Variants in RASA1 observed in about 807,000 individuals in gnomAD.
The protein encoded by RASA1 is ras GTPase-activating protein 1.
Under a neutral mutation model 132.2 loss-of-function variants are expected in RASA1, and 25 were observed. The ratio of observed to expected loss-of-function variants is 0.19; its 90% CI spans 0.14 to 0.26. The LOEUF is 0.26. Ranked by LOEUF, RASA1 falls within the 10% of genes least tolerant of loss-of-function variation. The pLI, the probability that RASA1 is intolerant of heterozygous loss-of-function variation, is 1.00. For synonymous variants in RASA1, 477 were observed against 449.9 expected (o/e 1.06, Z -0.76); for missense variants, 964 against 1,299.2 (o/e 0.74, Z 3.97).
intron 1 of RASA1, among the ~76,000 whole-genome samples, chr5:87,308,349 A>T (rs1755718996): frequency 6.6e-6 from 1 of 151,986 alleles, no homozygotes; most frequent in African/African-American, 2.4e-5. Flanking sequence ...TTTGTTTTGA[A>T]ATGTTGGTTC....
Position 87,374,157 on chromosome 5 carries a change from T to G in RASA1, c.1777-6T>G, listed in dbSNP as rs1761151365. 7.0e-7 allele frequency: 1 copy of G among 1,438,834 alleles called. No individual in the cohort carries two copies. The highest frequency in any genetic ancestry group is 9.2e-7 in the Non-Finnish European group (1 of 1,092,242). The allele number at this position is 1,438,834 out of a possible 1,614,324, so 89.1% of individuals were successfully genotyped here. ...AATATATATATATATATTTTTTTTT[T>G]TTTAGGTCAGCAGCCTTGTTTTACA... On this transcript the variant is annotated splice_region_variant and splice_polypyrimidine_tract_variant and intron_variant, in intron 13 of 24. Coordinates refer to ENST00000274376, the MANE Select transcript of RASA1 (RefSeq NM_002890.3).
chr5:87,342,325 G>T (rs1758533979), intron 6 of RASA1, among the ~76,000 whole-genome samples: 1 of 151,754 alleles, frequency 6.6e-6, no homozygotes, highest in Non-Finnish European at 1.5e-5. Flanking sequence ...TGCTAGGCTG[G>T]TTATTGTACC....
In RASA1 at chr5:87,268,172, T is replaced by C. The variant is rs1753647369; in HGVS notation, c.-280T>C. 3.9e-6 allele frequency: 2 copies of C among 509,202 alleles called. No individual in the cohort carries two copies. Among genetic ancestry groups the C allele is most frequent in the Non-Finnish European group, 6.9e-6 (2 of 290,520 alleles). The allele number at this position is 509,202 out of a possible 1,614,324, so 31.5% of individuals were successfully genotyped here. The stretch of plus-strand genomic sequence containing the variant: ...AAGTTTTCGCTTCTGTACATGTGTT[T>C]GTGTGCGTGAGTGTGGGTGTGTGCG... On this transcript the variant is annotated 5_prime_UTR_variant, in exon 1 of 25. Transcript: ENST00000274376.
chr5:87,282,866 T>C (rs1754376091), intron 1 of RASA1, among the ~76,000 whole-genome samples: 1 of 152,160 alleles, frequency 6.6e-6, no homozygotes, highest in South Asian at 2.1e-4. Flanking sequence ...TTGACAAAAA[T>C]TGTGTATGTG....
intron 1 of RASA1, among the ~76,000 whole-genome samples, chr5:87,325,397 G>C (rs1757159335): frequency 6.6e-6 from 1 of 152,306 alleles, no homozygotes; most frequent in South Asian, 2.1e-4. Context: ...AATAAATATG[G>C]GAGCTTAAGA....
chr5:87,323,056 A>C (rs1022548656), intron 1 of RASA1, among the ~76,000 whole-genome samples: 1 of 152,142 alleles, frequency 6.6e-6, no homozygotes, highest in Non-Finnish European at 1.5e-5. Context: ...TTAGAGAGGG[A>C]AATTTGGGGA....
intron 1 of RASA1, among the ~76,000 whole-genome samples, chr5:87,289,850 C>A (rs1251946693): frequency 2.6e-5 from 4 of 151,992 alleles, no homozygotes; most frequent in Admixed American, 2.6e-4. Flanking sequence ...CTTGAGTGAT[C>A]CTCCCTCCTT....
chr5:87,336,177 C>T (rs1470938822), intron 4 of RASA1, among the ~76,000 whole-genome samples: 1 of 152,144 alleles, frequency 6.6e-6, no homozygotes, highest in African/African-American at 2.4e-5. Flanking sequence ...AATTATAAAA[C>T]AGTGATATTC....
At chr5:87,374,060 A>C in intron 13 of RASA1, 103 bp from the exon 14 acceptor site, 1 of 1,044,792 alleles carries the variant, frequency 9.6e-7, no homozygotes, top group Non-Finnish European at 1.2e-6. Flanking sequence ...GGGGAAAATA[A>C]GTCATTATTT....
chr5:87,316,286 G>C (rs1756330436), intron 1 of RASA1, among the ~76,000 whole-genome samples: 3 of 152,150 alleles, frequency 2.0e-5, no homozygotes, highest in Non-Finnish European at 4.4e-5. Context: ...GGTTACTATA[G>C]TTATCTTATT....
intron 1 of RASA1, among the ~76,000 whole-genome samples, chr5:87,291,484 T>C (rs996256641): frequency 2.0e-5 from 3 of 152,168 alleles, no homozygotes; most frequent in Non-Finnish European, 4.4e-5. Context: ...TGAGCTATGA[T>C]TGTGCCACGG....
chr5:87,278,901 A>G (rs1421233048), intron 1 of RASA1, among the ~76,000 whole-genome samples: 2 of 135,404 alleles, frequency 1.5e-5, no homozygotes, highest in Non-Finnish European at 3.1e-5. Flanking sequence ...GGTAACTGCT[A>G]ATTTGTTCTT....
At chr5:87,360,245 G>C (rs1759981334) in intron 9 of RASA1, among the ~76,000 whole-genome samples, 1 of 151,072 alleles carries the variant, frequency 6.6e-6, no homozygotes, top group African/African-American at 2.4e-5. Context: ...TCCTCCCTCA[G>C]CCTCCCATGT....
intron 20 of RASA1, 68 bp from the exon 21 acceptor site, chr5:87,383,645 T>C (rs1016514340): frequency 8.3e-7 from 1 of 1,199,378 alleles, no homozygotes; most frequent in South Asian, 1.4e-5. Flanking sequence ...TTATATATAT[T>C]GTTTTAATGT....
At chr5:87,307,514 T>C (rs1373628574) in intron 1 of RASA1, among the ~76,000 whole-genome samples, 1 of 152,192 alleles carries the variant, frequency 6.6e-6, no homozygotes, top group Non-Finnish European at 1.5e-5. Context: ...TAATCTGCTG[T>C]TAATATTATA....
intron 1 of RASA1, among the ~76,000 whole-genome samples, chr5:87,288,711 T>G (rs538822581): frequency 1.3e-4 from 20 of 152,314 alleles, no homozygotes; most frequent in Non-Finnish European, 1.6e-4. Flanking sequence ...GGCTTTTTTT[T>G]GGGTCCAGAT....
intron 1 of RASA1, among the ~76,000 whole-genome samples, chr5:87,284,293 T>C (rs1033183397): frequency 1.3e-5 from 2 of 152,182 alleles, no homozygotes; most frequent in African/African-American, 4.8e-5. Flanking sequence ...TAGGAATTCT[T>C]TCATACATTA....
intron 1 of RASA1, among the ~76,000 whole-genome samples, chr5:87,285,358 C>T (rs368790024): frequency 3.6e-4 from 55 of 151,710 alleles, no homozygotes; most frequent in East Asian, 3.3e-3. Flanking sequence ...TGAGCCACCG[C>T]GCCTGGCAAT....
At chr5:87,289,400 A>G (rs1754816939) in intron 1 of RASA1, among the ~76,000 whole-genome samples, 2 of 152,174 alleles carry the variant, frequency 1.3e-5, no homozygotes, top group African/African-American at 2.4e-5. Flanking sequence ...TGGTTTTAAT[A>G]GCCGTTGATT....
Sources: gnomAD v4.1 joint callset for allele counts (sites outside exome capture counted in the v4.1 genomes callset) on GRCh38, gnomAD v4.1.1 for gene constraint, MANE v1.5 for transcripts, NCBI Gene and HGNC (gene_info 2026-07-23, HGNC 2026-07-21) for gene names.